TTC36: variants seen among roughly 807,000 people sequenced by gnomAD.
TTC36 encodes tetratricopeptide repeat protein 36.
TTC36 carries 15 observed loss-of-function variants against 17.5 expected under a neutral mutation model. That is an observed-to-expected ratio of 0.86 (90% CI 0.57 to 1.32). The LOEUF (loss-of-function observed/expected upper bound fraction) is 1.32. Among genes scored for constraint, TTC36 ranks in the 40% most tolerant of loss-of-function variants. TTC36 has a pLI of 0.00. For missense variants in TTC36, 292 were observed against 260.9 expected (o/e 1.12, Z -0.82); for synonymous variants, 112 against 109.8 (o/e 1.02, Z -0.13).
chr11:118,530,696 G>T lies in TTC36; in HGVS notation c.350G>T (p.Gly117Val), dbSNP rs1951202571. The T allele has an allele frequency of 6.8e-7, 1 of 1,477,076 alleles. No homozygotes were observed. Among genetic ancestry groups the T allele is most frequent in the Non-Finnish European group, 8.9e-7 (1 of 1,122,982 alleles). 91.5% of individuals were successfully genotyped at this position (1,477,076 alleles called of 1,614,324 possible). ...GAACGCGCGGTGGAGCTGAGCGGCG[G>T]CCGGGGCCGCGCCGCCCGCCAGAGC... Reference protein sequence around the residue: ...DLERAVELSGGRGRAARQSFV... With the variant: ...DLERAVELSGVRGRAARQSFV... The change falls in exon 3 of 3, where the codon GGC (glycine) becomes GTC (valine). Residue 117 changes from glycine (G) to valine (V), a missense_variant. Transcript: ENST00000302783. This position sits in a 1 kb window ranked among gnomAD's most constrained non-coding sequence, Gnocchi z 5.8.
Position 118,530,771 on chromosome 11 carries a change from C to T in TTC36, c.425C>T (p.Ala142Val), listed in dbSNP as rs1951207701. Residue 142 changes from alanine (A) to valine (V), a missense_variant, in exon 3 of 3, where the codon GCC (alanine) becomes GTC (valine). Physicochemically the swap from Ala to Val is moderately conservative, Grantham distance 64. Transcript: ENST00000302783. The surrounding 1 kb of genome is among the most constrained non-coding windows in gnomAD (Gnocchi z 5.8). ...LARLQGRDDD[A>V]RRDFERAARL... ...CGGCTGCAGGGCCGAGACGACGACGCCCGCAGGGACTTCGAGAGGGCGGCA... is the reference window on the plus strand; with the variant it reads ...CGGCTGCAGGGCCGAGACGACGACGTCCGCAGGGACTTCGAGAGGGCGGCA... The T allele has an allele frequency of 1.3e-6, 2 of 1,508,960 alleles. No homozygotes were observed. The highest frequency in any genetic ancestry group is 1.4e-5 in the African/African-American group (1 of 69,186). 93.5% of individuals were successfully genotyped at this position (1,508,960 alleles called of 1,614,324 possible).
chr11:118,527,992 T>G (rs1555056222), intron 1 of TTC36: 3 of 462,104 alleles, frequency 6.5e-6, no homozygotes, highest in South Asian at 4.6e-5. Context: ...GGTTCCAATA[T>G]AGCAAGCACA....
chr11:118,530,963 C>T lies in TTC36; in HGVS notation c.*47C>T, dbSNP rs1555057637. The T allele has an allele frequency of 1.4e-6, 2 of 1,451,968 alleles. No homozygotes were observed. Among genetic ancestry groups the T allele is most frequent in the Non-Finnish European group, 9.0e-7 (1 of 1,114,978 alleles). The allele number at this position is 1,451,968 out of a possible 1,614,324, so 89.9% of individuals were successfully genotyped here. On this transcript the variant is annotated 3_prime_UTR_variant, in exon 3 of 3. Coordinates refer to ENST00000302783, the MANE Select transcript of TTC36 (RefSeq NM_001080441.4). The surrounding 1 kb of genome is among the most constrained non-coding windows in gnomAD (Gnocchi z 5.8). The stretch of plus-strand genomic sequence containing the variant: ...GCGGGCGAGGGGACGGGACTGGGCC[C>T]TGAACCAATAAAGCCGTCGGGCCTC...
rs1951203170 is a variant in TTC36, at chr11:118,530,701, G to A, written c.355G>A (p.Gly119Ser). ...CGCGGTGGAGCTGAGCGGCGGCCGGGGCCGCGCCGCCCGCCAGAGCTTTGT... is the reference window on the plus strand; with the variant it reads ...CGCGGTGGAGCTGAGCGGCGGCCGGAGCCGCGCCGCCCGCCAGAGCTTTGT... Reference protein sequence around the residue: ...ERAVELSGGRGRAARQSFVQR... With the variant: ...ERAVELSGGRSRAARQSFVQR... Residue 119 changes from glycine to serine, a missense_variant, in exon 3 of 3, where the codon GGC (glycine) becomes AGC (serine). Transcript: ENST00000302783. This position sits in a 1 kb window ranked among gnomAD's most constrained non-coding sequence, Gnocchi z 5.8. 1.4e-6 allele frequency: 2 copies of A among 1,478,990 alleles called. No homozygotes were observed. Among genetic ancestry groups the A allele is most frequent in the Non-Finnish European group, 1.8e-6 (2 of 1,123,972 alleles). 91.6% of individuals were successfully genotyped at this position (1,478,990 alleles called of 1,614,324 possible).
intron 1 of TTC36, 51 bp from the exon 2 acceptor site, chr11:118,528,552 T>A: frequency 1.3e-6 from 2 of 1,495,762 alleles, no homozygotes; most frequent in Non-Finnish European, 1.8e-6. Flanking sequence ...GGCTTTTTCT[T>A]CTTGCTACCA....
rs146997063 is a variant in TTC36, at chr11:118,528,629, G to T, written c.145G>T (p.Glu49Ter). ...TGAAGTTTTCCCTCAAGCACAGCTG[G>T]AACAGTCCAAGGCCCTGGAGCTGCA... ...EDEVFPQAQL[E>*]QSKALELQGV... The change falls in exon 2 of 3, where the codon GAA (glutamate) becomes TAA (stop). Residue 49 changes from glutamate to a stop codon, truncating the protein, a stop_gained. Transcript: ENST00000302783. LOFTEE classifies it high-confidence loss of function. 6.3e-7 allele frequency: 1 copy of T among 1,597,684 alleles called. No individual in the cohort carries two copies.
Position 118,527,595 on chromosome 11 carries a change from AG to A in TTC36, c.103del (p.Glu35LysfsTer25). 1 of 1,613,916 alleles carries A rather than the reference AG, an allele frequency of 6.2e-7. No individual in the cohort carries two copies. On this transcript the variant is annotated frameshift_variant, in exon 1 of 3. Coordinates refer to ENST00000302783, the MANE Select transcript of TTC36 (RefSeq NM_001080441.4). LOFTEE classifies it high-confidence loss of function. Reference protein sequence around the residue: ...VGLDLGEEAEKEEREEDEVFP... With the variant: ...VGLDLGEEAEXEEREEDEVFP... Reference sequence around the variant, plus strand: ...TTGGACCTCGGAGAGGAAGCAGAAAAGGAAGAACGAGAAGAAGGTGGGCATT... The same window carrying A: ...TTGGACCTCGGAGAGGAAGCAGAAAAGAAGAACGAGAAGAAGGTGGGCATT...
In TTC36 at chr11:118,530,422, C is replaced by G. The variant is rs1951190246; in HGVS notation, c.308-232C>G. The G allele has an allele frequency of 4.4e-6, 2 of 455,182 alleles. No homozygotes were observed. Among genetic ancestry groups the G allele is most frequent in the Admixed American group, 9.0e-5 (2 of 22,232 alleles). 28.2% of individuals were successfully genotyped at this position (455,182 alleles called of 1,614,324 possible). ...CAAGGCGAGACCTGGACTTCAGTCC[C>G]AGCTCTGCCACTAAGTGGCTTGGCT... On this transcript the variant is annotated intron_variant, in intron 2 of 2. Transcript: ENST00000302783. The surrounding 1 kb of genome is among the most constrained non-coding windows in gnomAD (Gnocchi z 5.8).
At position 118,530,582 on chromosome 11, in the gene TTC36, T is replaced by TGGGCTG; in HGVS notation, c.308-66_308-61dup. 5.2e-6 allele frequency: 7 copies of TGGGCTG among 1,344,900 alleles called. No individual in the cohort carries two copies. The highest frequency in any genetic ancestry group is 6.6e-6 in the Non-Finnish European group (7 of 1,057,148). 83.3% of individuals were successfully genotyped at this position (1,344,900 alleles called of 1,614,324 possible). On this transcript the variant is annotated intron_variant, in intron 2 of 2. Coordinates refer to ENST00000302783, the MANE Select transcript of TTC36 (RefSeq NM_001080441.4). This position sits in a 1 kb window ranked among gnomAD's most constrained non-coding sequence, Gnocchi z 5.8. ...CCACGGTGATCCGCGCGGCCGCAGGTGGGCTGGGGCTCGGGCAAGGCCGCC... is the reference window on the plus strand; with the variant it reads ...CCACGGTGATCCGCGCGGCCGCAGGTGGGCTGGGGCTGGGGCTCGGGCAAGGCCGCC...
Position 118,530,622 on chromosome 11 carries a change from C to G in TTC36, c.308-32C>G. The G allele has an allele frequency of 7.1e-7, 1 of 1,401,468 alleles. No individual in the cohort carries two copies. The highest frequency in any genetic ancestry group is 9.2e-7 in the Non-Finnish European group (1 of 1,089,208). The allele number at this position is 1,401,468 out of a possible 1,614,324, so 86.8% of individuals were successfully genotyped here. On this transcript the variant is annotated intron_variant, in intron 2 of 2. Coordinates refer to ENST00000302783, the MANE Select transcript of TTC36 (RefSeq NM_001080441.4). The surrounding 1 kb of genome is among the most constrained non-coding windows in gnomAD (Gnocchi z 5.8). ...GCAAGGCCGCCCTGGCCTCCGCTGA[C>G]CCCCGCCCCGCCCGTCTCGTCGGTC... is the stretch of plus-strand genomic sequence containing the variant.
chr11:118,528,766 C>T lies in TTC36; in HGVS notation c.282C>T (p.Ala94=). 6.2e-7 allele frequency: 1 copy of T among 1,610,958 alleles called. No homozygotes were observed. Among genetic ancestry groups the T allele is most frequent in the Middle Eastern group, 1.9e-4 (1 of 5,358 alleles). The part of the protein sequence containing the change: ...RASAYNNRAQ[A]RRLQGDVAGA... Reference sequence around the variant, plus strand: ...CAGCCTACAACAACCGTGCCCAGGCCCGGCGACTCCAGGGAGACGTGGCAG... The same window carrying T: ...CAGCCTACAACAACCGTGCCCAGGCTCGGCGACTCCAGGGAGACGTGGCAG... Residue 94 remains alanine (A), a synonymous_variant, in exon 2 of 3, where the codon GCC becomes GCT. Transcript: ENST00000302783.
rs1555057310 is a variant in TTC36, at chr11:118,530,681, T to C, written c.335T>C (p.Val112Ala). The C allele has an allele frequency of 5.4e-6, 8 of 1,474,196 alleles. No homozygotes were observed. The African/African-American group carries it at 1.0e-4, about 19-fold the overall frequency. The allele number at this position is 1,474,196 out of a possible 1,614,324, so 91.3% of individuals were successfully genotyped here. A position where few individuals can be genotyped will look rare whatever the true frequency, so the allele number is the denominator to read the frequency against. ...GCCCTGGAGGATCTGGAACGCGCGGTGGAGCTGAGCGGCGGCCGGGGCCGC... is the reference window on the plus strand; with the variant it reads ...GCCCTGGAGGATCTGGAACGCGCGGCGGAGCTGAGCGGCGGCCGGGGCCGC... ...AGALEDLERA[V>A]ELSGGRGRAA... The change falls in exon 3 of 3, where the codon GTG (valine) becomes GCG (alanine). Residue 112 changes from valine to alanine, a missense_variant. By Grantham distance (64) the Val-to-Ala change is moderately conservative (BLOSUM62 0). Coordinates refer to ENST00000302783, the MANE Select transcript of TTC36 (RefSeq NM_001080441.4). This position sits in a 1 kb window ranked among gnomAD's most constrained non-coding sequence, Gnocchi z 5.8.
Position 118,528,808 on chromosome 11 carries a change from T to G in TTC36, c.307+17T>G. 1 of 1,580,662 alleles carries G rather than the reference T, an allele frequency of 6.3e-7. No individual in the cohort carries two copies. Among genetic ancestry groups the G allele is most frequent in the Non-Finnish European group, 8.6e-7 (1 of 1,160,910 alleles). On this transcript the variant is annotated intron_variant, in intron 2 of 2. Coordinates refer to ENST00000302783, the MANE Select transcript of TTC36 (RefSeq NM_001080441.4). ...ACGTGGCAGGTAAGGGGAGATGCCC[T>G]GTATCCTCTGCAAAAGGGCCCACGG...
In TTC36 at chr11:118,528,704, T is replaced by C; in HGVS notation, c.220T>C (p.Phe74Leu). 13 of 1,613,314 alleles carry C rather than the reference T, an allele frequency of 8.1e-6. 1 individual carries two copies. Among genetic ancestry groups the C allele is most frequent in the Non-Finnish European group, 1.1e-5 (13 of 1,179,756 alleles). The change falls in exon 2 of 3, where the codon TTT becomes CTT. Residue 74 changes from phenylalanine to leucine, a missense_variant. Coordinates refer to ENST00000302783, the MANE Select transcript of TTC36 (RefSeq NM_001080441.4). ...GGACCTCAGCACAGCCCTGGAGAGG[T>C]TTGGCCAAGCCATCTGCCTGCTGCC... ...AGDLSTALER[F>L]GQAICLLPER...
Position 118,530,840 on chromosome 11 carries a change from ACC to A in TTC36, c.497_498del (p.Pro166LeufsTer21). The stretch of plus-strand genomic sequence containing the variant: ...GCGCGGCGCCAGCTGGTGCTGCTCA[ACC>A]CCTACGCCGCGCTGTGCAACCGCAT... On this transcript the variant is annotated frameshift_variant, in exon 3 of 3. Coordinates refer to ENST00000302783, the MANE Select transcript of TTC36 (RefSeq NM_001080441.4). LOFTEE classifies it high-confidence loss of function. The surrounding 1 kb of genome is among the most constrained non-coding windows in gnomAD (Gnocchi z 5.8). 1 of 1,510,182 alleles carries A rather than the reference ACC, an allele frequency of 6.6e-7. No individual in the cohort carries two copies. Among genetic ancestry groups the A allele is most frequent in the Non-Finnish European group, 8.8e-7 (1 of 1,136,942 alleles). The allele number at this position is 1,510,182 out of a possible 1,614,324, so 93.5% of individuals were successfully genotyped here. A position where few individuals can be genotyped will look rare whatever the true frequency, so the allele number is the denominator to read the frequency against.
intron 2 of TTC36, 131 bp downstream of exon 2, chr11:118,528,922 G>GAAGAC: frequency 2.6e-6 from 2 of 780,606 alleles, no homozygotes; most frequent in East Asian, 2.9e-5. Flanking sequence ...TATAAGGTAG[G>GAAGAC]AGTAGTATCA....
In TTC36 at chr11:118,527,686, G is replaced by C. The variant is rs1164887544; in HGVS notation, c.118+74G>C. The C allele has an allele frequency of 2.7e-6, 3 of 1,116,902 alleles. No individual in the cohort carries two copies. In the East Asian group the frequency reaches 7.1e-5, roughly 26 times the overall value. The allele number at this position is 1,116,902 out of a possible 1,614,324, so 69.2% of individuals were successfully genotyped here. A position where few individuals can be genotyped will look rare whatever the true frequency, so the allele number is the denominator to read the frequency against. ...GCCTCCCGAGGTAGCAGAGAGGGAG[G>C]TGGTTTTATAAGGCCCCTTGTTCCA... On this transcript the variant is annotated intron_variant, in intron 1 of 2. Transcript: ENST00000302783.
At chr11:118,529,412 T>C (rs1384547741) in intron 2 of TTC36, among the ~76,000 whole-genome samples, 10 of 152,166 alleles carry the variant, frequency 6.6e-5, no homozygotes, top group African/African-American at 2.4e-4. Context: ...GACCTGTTCC[T>C]GAAGGGCGAG....
chr11:118,530,684 A>G lies in TTC36; in HGVS notation c.338A>G (p.Glu113Gly), dbSNP rs1182445020. 1.4e-6 allele frequency: 2 copies of G among 1,475,098 alleles called. No individual in the cohort carries two copies. The highest frequency in any genetic ancestry group is 1.8e-6 in the Non-Finnish European group (2 of 1,121,972). The allele number at this position is 1,475,098 out of a possible 1,614,324, so 91.4% of individuals were successfully genotyped here. A position where few individuals can be genotyped will look rare whatever the true frequency, so the allele number is the denominator to read the frequency against. Reference sequence around the variant, plus strand: ...CTGGAGGATCTGGAACGCGCGGTGGAGCTGAGCGGCGGCCGGGGCCGCGCC... The same window carrying G: ...CTGGAGGATCTGGAACGCGCGGTGGGGCTGAGCGGCGGCCGGGGCCGCGCC... ...GALEDLERAV[E>G]LSGGRGRAAR... is the part of the protein sequence containing the mutation. Residue 113 changes from glutamate to glycine, a missense_variant, in exon 3 of 3, where the codon GAG (glutamate) becomes GGG (glycine). Glu to Gly is a moderately conservative substitution (Grantham distance 98). Transcript: ENST00000302783. This position sits in a 1 kb window ranked among gnomAD's most constrained non-coding sequence, Gnocchi z 5.8.
Sources: allele counts gnomAD v4.1 joint callset (sites outside exome capture counted in the v4.1 genomes callset), GRCh38; gene constraint gnomAD v4.1.1; non-coding constraint Gnocchi (gnomAD v3.1); transcripts MANE v1.5; gene names NCBI Gene and HGNC (gene_info 2026-07-23, HGNC 2026-07-21).